PCDHA3: variants seen among roughly 807,000 people sequenced by gnomAD.
The protein encoded by PCDHA3 is protocadherin alpha 3, also known as protocadherin alpha-3.
A neutral mutation model predicts 62.2 loss-of-function variants in PCDHA3; 41 were observed. The observed-to-expected ratio is 0.66, with a 90% CI of 0.51 to 0.86. The LOEUF is 0.86. Ranked by LOEUF, PCDHA3 falls within the 40% of genes least tolerant of loss-of-function variation. The pLI, the probability that PCDHA3 is intolerant of heterozygous loss-of-function variation, is 0.00. For synonymous variants in PCDHA3, 640 were observed against 555.4 expected (o/e 1.15, Z -2.14); for missense variants, 1,304 against 1,241.2 (o/e 1.05, Z -0.76).
chr5:140,948,426 G>A (rs1301925814), intron 1 of PCDHA3, among the ~76,000 whole-genome samples: 1 of 151,446 alleles, frequency 6.6e-6, no homozygotes, highest in African/African-American at 2.4e-5. Flanking sequence ...TCTTCCTTCA[G>A]TGAAACATTC....
intron 1 of PCDHA3, chr5:140,876,573 C>G: frequency 1.9e-6 from 3 of 1,614,152 alleles, no homozygotes; most frequent in African/African-American, 1.3e-5. Flanking sequence ...AGGTGGGTAC[C>G]GTCATTGCCC....
At chr5:140,899,948 C>A (rs2067639860) in intron 1 of PCDHA3, among the ~76,000 whole-genome samples, 1 of 151,682 alleles carries the variant, frequency 6.6e-6, no homozygotes, top group South Asian at 2.1e-4. Context: ...GCTGGGACCA[C>A]AGGCATGTGC....
chr5:140,875,498 C>G lies in PCDHA3; in HGVS notation c.2394+71907C>G. 1.9e-6 allele frequency: 3 copies of G among 1,613,292 alleles called. No homozygotes were observed. Among genetic ancestry groups the G allele is most frequent in the Non-Finnish European group, 1.7e-6 (2 of 1,179,476 alleles). ...ATGGTGATTATCGGACCAAGAGGCCCGGGATCCCAGCGTCTGCTGCTCTCG... is the reference window on the plus strand; with the variant it reads ...ATGGTGATTATCGGACCAAGAGGCCGGGGATCCCAGCGTCTGCTGCTCTCG... On this transcript the variant is annotated intron_variant, in intron 1 of 3. Transcript: ENST00000522353.
At chr5:140,995,687 G>C (rs983290111) in intron 3 of PCDHA3, among the ~76,000 whole-genome samples, 3 of 152,062 alleles carry the variant, frequency 2.0e-5, no homozygotes, top group Admixed American at 6.5e-5. Context: ...TTTTTTAATT[G>C]TTAAATAAAG....
chr5:140,923,142 T>C (rs553287064), intron 1 of PCDHA3, among the ~76,000 whole-genome samples: 9 of 152,006 alleles, frequency 5.9e-5, no homozygotes, highest in Non-Finnish European at 1.2e-4. Context: ...AGGTGGAATA[T>C]AAAAAAAATT....
chr5:140,837,369 A>T (rs1477721585), intron 1 of PCDHA3, among the ~76,000 whole-genome samples: 2 of 151,978 alleles, frequency 1.3e-5, no homozygotes, highest in Non-Finnish European at 2.9e-5. Flanking sequence ...GTTTAATAGT[A>T]TTTTTTATTT....
intron 1 of PCDHA3, chr5:140,862,381 C>G (rs191367875): frequency 4.0e-5 from 14 of 346,954 alleles, no homozygotes; most frequent in Non-Finnish European, 7.4e-5. Flanking sequence ...TGACTCCTCA[C>G]GTCTCTTCAA....
At chr5:140,934,100 T>C (rs554832439) in intron 1 of PCDHA3, among the ~76,000 whole-genome samples, 3 of 152,280 alleles carry the variant, frequency 2.0e-5, no homozygotes, top group Non-Finnish European at 4.4e-5. Context: ...GTTTGCTTTC[T>C]ATTTTATTAA....
rs782439866 is a variant in PCDHA3, at chr5:140,871,196, A to G, written c.2394+67605A>G. ...GCTGCGCTGGTGGATGTCAACGTGT[A>G]CCTGATCATCGCCATCTGCGTGGTG... On this transcript the variant is annotated intron_variant, in intron 1 of 3. Coordinates refer to ENST00000522353, the MANE Select transcript of PCDHA3 (RefSeq NM_018906.3). 19 of 1,613,546 alleles carry G rather than the reference A, an allele frequency of 1.2e-5. No homozygotes were observed. Among genetic ancestry groups the G allele is most frequent in the Non-Finnish European group, 1.6e-5 (19 of 1,179,946 alleles).
At chr5:140,974,040 T>C (rs1554235767) in intron 1 of PCDHA3, among the ~76,000 whole-genome samples, 2 of 152,260 alleles carry the variant, frequency 1.3e-5, no homozygotes, top group African/African-American at 4.8e-5. Context: ...TTTAGCTTAT[T>C]AATATGATAA....
At chr5:140,963,397 G>A (rs1190925238) in intron 1 of PCDHA3, among the ~76,000 whole-genome samples, 1 of 152,160 alleles carries the variant, frequency 6.6e-6, no homozygotes, top group Admixed American at 6.5e-5. Context: ...GCTCCCTACT[G>A]GATGCTGTAG....
intron 1 of PCDHA3, among the ~76,000 whole-genome samples, chr5:140,961,059 G>A (rs2095587077): frequency 6.6e-6 from 1 of 152,076 alleles, no homozygotes; most frequent in African/African-American, 2.4e-5. Flanking sequence ...AATGTTGAAT[G>A]GGATATCTGG....
intron 1 of PCDHA3, chr5:140,835,544 C>T (rs1773719176): frequency 2.5e-6 from 4 of 1,613,968 alleles, no homozygotes; most frequent in South Asian, 2.2e-5. Flanking sequence ...AGGTTACCTG[C>T]TCCCTGACGC....
intron 1 of PCDHA3, among the ~76,000 whole-genome samples, chr5:140,947,528 T>C (rs1175792550): frequency 6.6e-6 from 1 of 151,692 alleles, no homozygotes; most frequent in African/African-American, 2.4e-5. Context: ...GAATCAACTT[T>C]TCAATTTCTA....
chr5:140,923,566 C>T lies in PCDHA3; in HGVS notation c.2395-55383C>T, dbSNP rs149499154. ...AAATGAAATATCAGCAATGAAAGGT[C>T]CTGCTAAAGAGAAGGTTTGTTAATT... On this transcript the variant is annotated intron_variant, in intron 1 of 3. Coordinates refer to ENST00000522353, the MANE Select transcript of PCDHA3 (RefSeq NM_018906.3). 8.1e-3 allele frequency among the ~76,000 whole-genome samples: 1,228 copies of T among 152,208 alleles called. 6 individuals carry two copies. The highest frequency in any genetic ancestry group is 0.019 in the African/African-American group (794 of 41,538).
intron 1 of PCDHA3, chr5:140,876,435 C>A (rs1380633697): frequency 1.9e-6 from 3 of 1,613,852 alleles, no homozygotes; most frequent in Non-Finnish European, 1.7e-6. Context: ...TTCAGGTTAA[C>A]GCCATTGATA....
chr5:140,870,987 C>A, intron 1 of PCDHA3: 1 of 1,613,452 alleles, frequency 6.2e-7, no homozygotes, highest in Non-Finnish European at 8.5e-7. Flanking sequence ...TGTACACGGG[C>A]GAGATAAGCA....
intron 1 of PCDHA3, among the ~76,000 whole-genome samples, chr5:140,925,094 G>A (rs1489905457): frequency 6.6e-6 from 1 of 151,188 alleles, no homozygotes; most frequent in Non-Finnish European, 1.5e-5. Flanking sequence ...AGGAAGGAAG[G>A]AAGGAAGGAA....
intron 1 of PCDHA3, chr5:140,876,604 G>A: frequency 6.2e-7 from 1 of 1,614,204 alleles, no homozygotes; most frequent in Non-Finnish European, 8.5e-7. Flanking sequence ...GTCGGATCGT[G>A]ACTCTGGAGC....
Sources: gnomAD v4.1 joint callset for allele counts (sites outside exome capture counted in the v4.1 genomes callset) on GRCh38, gnomAD v4.1.1 for gene constraint, MANE v1.5 for transcripts, NCBI Gene and HGNC (gene_info 2026-07-23, HGNC 2026-07-21) for gene names.